The following CDH18 variants were observed in gnomAD, a reference collection of about 807,000 sequenced individuals.
CDH18 encodes cadherin-18.
A neutral mutation model predicts 67.9 loss-of-function variants in CDH18; 31 were observed. The ratio of observed to expected loss-of-function variants is 0.46; its 90% CI spans 0.34 to 0.62. The LOEUF is 0.62. CDH18 is among the 20% of genes least tolerant of loss of function. The pLI, the probability that CDH18 is intolerant of heterozygous loss-of-function variation, is 0.01. For missense variants in CDH18, 890 were observed against 975.5 expected (o/e 0.91, Z 1.17); for synonymous variants, 362 against 347.2 (o/e 1.04, Z -0.48).
At chr5:19,503,873 CCT>C in intron 10 of CDH18, among the ~76,000 whole-genome samples, 1 of 152,170 alleles carries the variant, frequency 6.6e-6, no homozygotes. Context: ...AAGATATTTT[CCT>C]CTTTTGAAAA....
intron 5 of CDH18, among the ~76,000 whole-genome samples, chr5:19,622,465 C>A (rs1750863765): frequency 6.6e-6 from 1 of 152,170 alleles, no homozygotes; most frequent in African/African-American, 2.4e-5. Flanking sequence ...CCTATAAATT[C>A]TTTGACAATA....
intron 7 of CDH18, among the ~76,000 whole-genome samples, chr5:19,576,812 C>T (rs941162778): frequency 2.0e-5 from 3 of 152,034 alleles, no homozygotes; most frequent in Non-Finnish European, 2.9e-5. Flanking sequence ...GCATTACTCA[C>T]ATTAGACAAG....
Position 20,551,356 on chromosome 5 carries a change from C to A in CDH18, c.-580+24106G>T, listed in dbSNP as rs185663498. 2.0e-5 allele frequency among the ~76,000 whole-genome samples: 3 copies of A among 152,238 alleles called. No individual in the cohort carries two copies. In the East Asian group the frequency reaches 5.8e-4, roughly 30 times the overall value. ...CAGTGGTGTCAAATTCCACTGACCA[C>A]GTTTTTACTTCTTCAAAGGGGACAT... is the stretch of plus-strand genomic sequence containing the variant. On this transcript the variant is annotated intron_variant, in intron 1 of 14. Coordinates refer to the CDH18 transcript ENST00000507958.
chr5:19,581,528 G>A lies in CDH18; in HGVS notation c.999+9529C>T, dbSNP rs147751809. On this transcript the variant is annotated intron_variant, in intron 7 of 12. Transcript: ENST00000382275. ...GAAAATGCTGTTTAGCCAAGTTGCC[G>A]TATGAGTCAATTATTCTTAGAGTTT... Among the ~76,000 whole-genome samples, 310 of 151,918 alleles carry A rather than the reference G, an allele frequency of 2.0e-3. 1 individual carries two copies. In the Middle Eastern group the frequency reaches 0.024, roughly 12 times the overall value.
intron 9 of CDH18, among the ~76,000 whole-genome samples, chr5:19,531,853 G>A (rs1022642080): frequency 1.3e-5 from 2 of 152,016 alleles, no homozygotes; most frequent in Middle Eastern, 3.2e-3. Flanking sequence ...ACTCATTAAC[G>A]CAAAAGCTTC....
intron 3 of CDH18, among the ~76,000 whole-genome samples, chr5:19,762,917 C>T (rs1200547577): frequency 1.3e-5 from 2 of 152,064 alleles, no homozygotes; most frequent in Non-Finnish European, 2.9e-5. Flanking sequence ...ACTATGCAAC[C>T]ATAAAAAAGG....
chr5:19,713,077 C>T (rs1238153881), intron 5 of CDH18, among the ~76,000 whole-genome samples: 2 of 137,772 alleles, frequency 1.5e-5, no homozygotes, highest in African/African-American at 5.3e-5. Flanking sequence ...ATATTTGCCA[C>T]GCTATTGGCT....
chr5:19,637,430 T>G (rs562857823), intron 5 of CDH18, among the ~76,000 whole-genome samples: 1 of 152,234 alleles, frequency 6.6e-6, no homozygotes, highest in Non-Finnish European at 1.5e-5. Flanking sequence ...CTGATTCCTA[T>G]TTCTACTTCT....
At chr5:20,440,071 G>A (rs1351993058) in intron 1 of CDH18, among the ~76,000 whole-genome samples, 1 of 151,630 alleles carries the variant, frequency 6.6e-6, no homozygotes, top group Non-Finnish European at 1.5e-5. Flanking sequence ...TACACACTAT[G>A]AAAATGAGTA....
intron 1 of CDH18, among the ~76,000 whole-genome samples, chr5:20,535,939 CTA>C (rs1756689897): frequency 1.3e-5 from 2 of 152,140 alleles, no homozygotes; most frequent in African/African-American, 4.8e-5. Context: ...ATTTCACTTT[CTA>C]CTTGCTACAC....
chr5:19,507,801 T>C (rs1374608623), intron 10 of CDH18, among the ~76,000 whole-genome samples: 1 of 152,152 alleles, frequency 6.6e-6, no homozygotes, highest in African/African-American at 2.4e-5. Flanking sequence ...ATATATCTAA[T>C]GTTAAATGAC....
chr5:20,474,193 G>C (rs932627167), intron 1 of CDH18, among the ~76,000 whole-genome samples: 1 of 151,966 alleles, frequency 6.6e-6, no homozygotes, highest in Admixed American at 6.6e-5. Context: ...GGAGAGTGGC[G>C]TGAACCCAGG....
chr5:19,477,958 TAGTG>T (rs1285797159), intron 12 of CDH18, among the ~76,000 whole-genome samples: 1 of 152,160 alleles, frequency 6.6e-6, no homozygotes, highest in African/African-American at 2.4e-5. Context: ...TATCCTTGGT[TAGTG>T]AATTTCTTTT....
At chr5:19,882,289 T>C (rs777134802) in intron 2 of CDH18, among the ~76,000 whole-genome samples, 4 of 152,200 alleles carry the variant, frequency 2.6e-5, no homozygotes, top group Non-Finnish European at 5.9e-5. Flanking sequence ...AGGAATAGTT[T>C]ATTATTTTTC....
At chr5:19,866,766 G>A (rs1279201723) in intron 2 of CDH18, among the ~76,000 whole-genome samples, 1 of 152,020 alleles carries the variant, frequency 6.6e-6, no homozygotes, top group African/African-American at 2.4e-5. Context: ...CCACTCAATA[G>A]GCAATTCGAG....
At chr5:20,216,575 C>T (rs530210563) in intron 2 of CDH18, among the ~76,000 whole-genome samples, 126 of 151,994 alleles carry the variant, frequency 8.3e-4, no homozygotes, top group African/African-American at 2.9e-3. Context: ...GAATTTCTTC[C>T]TTTCCATTAA....
chr5:19,477,466 T>C (rs965146991), intron 12 of CDH18, among the ~76,000 whole-genome samples: 9 of 152,070 alleles, frequency 5.9e-5, no homozygotes, highest in Non-Finnish European at 1.2e-4. Flanking sequence ...TGAACAGTAA[T>C]AGCCTCACTA....
rs571815164 is a variant in CDH18, at chr5:19,472,022, C to T, written c.*1204G>A. On this transcript the variant is annotated 3_prime_UTR_variant, in exon 13 of 13. Transcript: ENST00000382275. ...TTTGGACCCTGAACACAGAGACTTT[C>T]GGAAACATATCTGAGGATAATAACT... Among the ~76,000 whole-genome samples the T allele has an allele frequency of 2.6e-5, 4 of 152,090 alleles. No individual in the cohort carries two copies. The highest frequency in any genetic ancestry group is 4.4e-5 in the Non-Finnish European group (3 of 67,998).
chr5:20,219,517 CAAA>C (rs60170962), intron 2 of CDH18, among the ~76,000 whole-genome samples: 1 of 138,922 alleles, frequency 7.2e-6, no homozygotes. Context: ...AAAGACATGT[CAAA>C]AAAAAAAAAA....
Sources: gnomAD v4.1 joint callset for allele counts (sites outside exome capture counted in the v4.1 genomes callset) on GRCh38, gnomAD v4.1.1 for gene constraint, MANE v1.5 for transcripts, NCBI Gene and HGNC (gene_info 2026-07-23, HGNC 2026-07-21) for gene names.